Variants in GPR176 observed in about 807,000 individuals in gnomAD.
GPR176 encodes G-protein coupled receptor 176.
Under a neutral mutation model 35.4 loss-of-function variants are expected in GPR176, and 26 were observed. That is an observed-to-expected ratio of 0.74 (90% CI 0.54 to 1.02). The LOEUF is 1.02. GPR176 is among the 50% of genes least tolerant of loss of function. GPR176 has a pLI of 0.00. For missense variants in GPR176, 597 were observed against 665.3 expected (o/e 0.90, Z 1.13); for synonymous variants, 278 against 271.3 (o/e 1.02, Z -0.24).
intron 1 of GPR176, among the ~76,000 whole-genome samples, chr15:39,893,103 TTTAAA>T (rs2032935255): frequency 6.6e-6 from 1 of 152,060 alleles, no homozygotes; most frequent in African/African-American, 2.4e-5. Context: ...CTCTTTTTTT[TTTAAA>T]TTTATTTATT....
chr15:39,871,488 T>A (rs1182141877), intron 1 of GPR176, among the ~76,000 whole-genome samples: 2 of 152,218 alleles, frequency 1.3e-5, no homozygotes, highest in Non-Finnish European at 2.9e-5. Flanking sequence ...GCAAAGTATT[T>A]CTGTAGAGAG....
intron 1 of GPR176, among the ~76,000 whole-genome samples, chr15:39,852,195 A>C (rs1272380616): frequency 6.6e-6 from 1 of 152,160 alleles, no homozygotes; most frequent in African/African-American, 2.4e-5. Context: ...GAAGGCAGTG[A>C]TTTGTTGTTT....
At chr15:39,884,849 G>A (rs1413403632) in intron 1 of GPR176, among the ~76,000 whole-genome samples, 1 of 152,196 alleles carries the variant, frequency 6.6e-6, no homozygotes, top group African/African-American at 2.4e-5. Context: ...CTCTGCACAA[G>A]AGTCTGGAAG....
intron 1 of GPR176, among the ~76,000 whole-genome samples, chr15:39,902,240 G>A (rs1306124458): frequency 6.6e-6 from 1 of 152,188 alleles, no homozygotes; most frequent in Non-Finnish European, 1.5e-5. Context: ...AAAAGAGGCA[G>A]GGTGATTTAC....
At chr15:39,825,496 G>T (rs1306591554) in intron 1 of GPR176, among the ~76,000 whole-genome samples, 1 of 151,508 alleles carries the variant, frequency 6.6e-6, no homozygotes, top group Non-Finnish European at 1.5e-5. Context: ...TTATTATTTT[G>T]TAAAAATATA....
At chr15:39,828,384 T>C (rs1264035501) in intron 1 of GPR176, among the ~76,000 whole-genome samples, 1 of 152,158 alleles carries the variant, frequency 6.6e-6, no homozygotes, top group Non-Finnish European at 1.5e-5. Flanking sequence ...GAAAAGACAC[T>C]GCGTGGAGGG....
intron 1 of GPR176, among the ~76,000 whole-genome samples, chr15:39,858,837 C>T (rs1188376674): frequency 6.6e-6 from 1 of 152,118 alleles, no homozygotes; most frequent in Non-Finnish European, 1.5e-5. Context: ...GCCTCCACCT[C>T]TCAGGTTCAA....
rs571739321 is a variant in GPR176 at position 39,892,885 on chromosome 15, C to T, written c.172+26970G>A. Among the ~76,000 whole-genome samples the T allele has an allele frequency of 2.0e-5, 3 of 152,330 alleles. No homozygotes were observed. In the East Asian group the frequency reaches 5.8e-4, roughly 29 times the overall value. On this transcript the variant is annotated intron_variant, in intron 1 of 2. Transcript: ENST00000561100. ...CCATTTGGTTTGTAGGAGTTTGTTA[C>T]AGCAGTCTTAGGAAACTAATGCGGC...
chr15:39,899,581 A>G (rs1218661533), intron 1 of GPR176, among the ~76,000 whole-genome samples: 1 of 152,270 alleles, frequency 6.6e-6, no homozygotes, highest in Non-Finnish European at 1.5e-5. Context: ...AGAAAAATAT[A>G]GCAAAATGCA....
At chr15:39,897,633 G>A (rs1050079131) in intron 1 of GPR176, among the ~76,000 whole-genome samples, 1 of 140,444 alleles carries the variant, frequency 7.1e-6, no homozygotes, top group Non-Finnish European at 1.5e-5. Flanking sequence ...TTGAGACGGA[G>A]TCTCGCTCTG....
intron 1 of GPR176, among the ~76,000 whole-genome samples, chr15:39,839,138 T>C (rs1901588533): frequency 6.6e-6 from 1 of 152,122 alleles, no homozygotes. Context: ...AAAACTACTT[T>C]AAAGTTCATA....
chr15:39,837,246 T>G (rs2140782958), intron 1 of GPR176, among the ~76,000 whole-genome samples: 2 of 152,268 alleles, frequency 1.3e-5, no homozygotes, highest in South Asian at 4.2e-4. Context: ...ACTCACAGGA[T>G]AAAATCTCAA....
At chr15:39,849,920 T>C (rs1566950459) in intron 1 of GPR176, among the ~76,000 whole-genome samples, 1 of 152,152 alleles carries the variant, frequency 6.6e-6, no homozygotes, top group South Asian at 2.1e-4. Context: ...CTCGGCTATA[T>C]GATATAGCCT....
chr15:39,825,062 C>T (rs1368216935), intron 1 of GPR176, among the ~76,000 whole-genome samples: 1 of 152,092 alleles, frequency 6.6e-6, no homozygotes, highest in Non-Finnish European at 1.5e-5. Context: ...GAAAAATTAT[C>T]CAGGCTTGGT....
chr15:39,909,210 G>C (rs1490216387), intron 1 of GPR176, among the ~76,000 whole-genome samples: 1 of 152,184 alleles, frequency 6.6e-6, no homozygotes, highest in Non-Finnish European at 1.5e-5. Flanking sequence ...GCTGGATGCA[G>C]AGCCATCAGA....
At chr15:39,910,499 A>T (rs1270248129) in intron 1 of GPR176, among the ~76,000 whole-genome samples, 1 of 152,032 alleles carries the variant, frequency 6.6e-6, no homozygotes, top group Admixed American at 6.6e-5. Context: ...GGGAGGTTGC[A>T]GTGAGCTGAG....
chr15:39,882,090 G>A (rs2032496980), intron 1 of GPR176, among the ~76,000 whole-genome samples: 1 of 152,166 alleles, frequency 6.6e-6, no homozygotes, highest in Non-Finnish European at 1.5e-5. Context: ...GAATGAAATT[G>A]ACTCATTTTG....
intron 1 of GPR176, among the ~76,000 whole-genome samples, chr15:39,826,275 T>C (rs967286073): frequency 6.6e-6 from 1 of 152,050 alleles, no homozygotes; most frequent in African/African-American, 2.4e-5. Context: ...GATGAGGGAA[T>C]TGACAGTGAA....
At chr15:39,866,495 C>G (rs1459061168) in intron 1 of GPR176, among the ~76,000 whole-genome samples, 2 of 152,076 alleles carry the variant, frequency 1.3e-5, no homozygotes, top group Non-Finnish European at 2.9e-5. Context: ...AATATATAGT[C>G]TAAGGACAAA....
Sources: gnomAD v4.1 joint callset for allele counts (sites outside exome capture counted in the v4.1 genomes callset) on GRCh38, gnomAD v4.1.1 for gene constraint, MANE v1.5 for transcripts, NCBI Gene and HGNC (gene_info 2026-07-23, HGNC 2026-07-21) for gene names.